RAB33B: variants seen among roughly 807,000 people sequenced by gnomAD.
RAB33B encodes RAB33B, member RAS oncogene family.
RAB33B carries 6 observed loss-of-function variants against 15.0 expected under a neutral mutation model. The observed-to-expected ratio is 0.40, with a 90% CI of 0.22 to 0.79. The LOEUF is 0.79. Among genes scored for constraint, RAB33B ranks in the 30% least tolerant of loss-of-function variants. The pLI, the probability that RAB33B is intolerant of heterozygous loss-of-function variation, is 0.37. For synonymous variants in RAB33B, 117 were observed against 108.3 expected, an observed-to-expected ratio of 1.08 and a Z score of -0.50; for missense variants, 257 against 296.4, an observed-to-expected ratio of 0.87 and a Z score of 0.98.
At chr4:139,445,293 C>G in the RAB33B span, among the ~76,000 whole-genome samples, 2 of 152,226 alleles carry the variant, frequency 1.3e-5, no homozygotes, top group Non-Finnish European at 1.5e-5. Flanking sequence ...TATCAACTCT[C>G]TGGCTGTGTC....
the RAB33B span, among the ~76,000 whole-genome samples, chr4:139,440,320 G>A: frequency 6.6e-6 from 1 of 152,218 alleles, no homozygotes; most frequent in South Asian, 2.1e-4. Flanking sequence ...AATGGGAGTG[G>A]GGAGGGAAAC....
At chr4:139,449,825 G>A (rs913980593), upstream of RAB33B, 14 of 151,816 alleles carry the variant, frequency 9.2e-5, no homozygotes, top group African/African-American at 3.1e-4. Flanking sequence ...TAAAGAGAAC[G>A]AGATAAAAGA....
intron 1 of RAB33B, among the ~76,000 whole-genome samples, chr4:139,467,237 G>T (rs1750304567): frequency 1.4e-5 from 2 of 145,208 alleles, no homozygotes; most frequent in African/African-American, 5.1e-5. Flanking sequence ...CCAAAGTTCT[G>T]GAATTACAGG....
Position 139,454,148 on chromosome 4 carries a change from CT to C in RAB33B, c.-45del. The stretch of plus-strand genomic sequence containing the variant: ...TCTTGCGGTGGCGTAATCTCTCAGC[CT>C]TTCTGTGTCTCCTTTCCTCCGCCTC... On this transcript the variant is annotated 5_prime_UTR_variant, in exon 1 of 2. Transcript: ENST00000305626. 1 of 1,566,498 alleles carries C rather than the reference CT, an allele frequency of 6.4e-7. No homozygotes were observed. The highest frequency in any genetic ancestry group is 8.6e-7 in the Non-Finnish European group (1 of 1,156,338).
intron 1 of RAB33B, 88 bp downstream of exon 1, chr4:139,454,532 G>C: frequency 7.0e-7 from 1 of 1,418,756 alleles, no homozygotes; most frequent in Non-Finnish European, 9.4e-7. Flanking sequence ...TGCACGGTGT[G>C]TGTGCGCTCC....
intron 1 of RAB33B, among the ~76,000 whole-genome samples, chr4:139,459,562 C>T (rs1456959808): frequency 6.6e-6 from 1 of 152,018 alleles, no homozygotes; most frequent in Non-Finnish European, 1.5e-5. Context: ...ACCTCCCTTA[C>T]TAAGTTTTAT....
intron 1 of RAB33B, among the ~76,000 whole-genome samples, chr4:139,467,452 G>A (rs1350734557): frequency 1.4e-5 from 2 of 147,670 alleles, no homozygotes; most frequent in African/African-American, 5.0e-5. Context: ...TACATAGTAG[G>A]TGTATATATT....
intron 1 of RAB33B, among the ~76,000 whole-genome samples, chr4:139,462,417 A>G (rs1298399603): frequency 2.0e-5 from 3 of 152,210 alleles, no homozygotes; most frequent in Non-Finnish European, 4.4e-5. Flanking sequence ...AATTGATTTA[A>G]TACTCTTTTT....
intron 1 of RAB33B, among the ~76,000 whole-genome samples, chr4:139,469,120 T>G (rs1750345198): frequency 6.6e-6 from 1 of 152,192 alleles, no homozygotes; most frequent in Non-Finnish European, 1.5e-5. Flanking sequence ...TTGGGAAGTT[T>G]TCTGTATTAT....
the RAB33B span, among the ~76,000 whole-genome samples, chr4:139,439,020 A>AT: frequency 6.9e-4 from 103 of 149,226 alleles, no homozygotes; most frequent in East Asian, 4.5e-3. Context: ...GGATTCTTTT[A>AT]TTTTTTTTTT....
At chr4:139,468,758 A>T (rs564393969) in intron 1 of RAB33B, among the ~76,000 whole-genome samples, 4 of 152,332 alleles carry the variant, frequency 2.6e-5, no homozygotes, top group African/African-American at 9.6e-5. Context: ...GGTATTGATC[A>T]AACCCTTCAG....
intron 1 of RAB33B, among the ~76,000 whole-genome samples, chr4:139,457,145 G>C (rs1750085439): frequency 6.6e-6 from 1 of 152,140 alleles, no homozygotes; most frequent in South Asian, 2.1e-4. Flanking sequence ...TAACAACAGT[G>C]CCCTTTCAGA....
At chr4:139,465,899 T>C (rs530152537) in intron 1 of RAB33B, among the ~76,000 whole-genome samples, 1 of 147,208 alleles carries the variant, frequency 6.8e-6, no homozygotes, top group East Asian at 2.0e-4. Flanking sequence ...CCAGCTCACT[T>C]TTTTTTTTTT....
chr4:139,466,401 A>G (rs35346847), intron 1 of RAB33B, among the ~76,000 whole-genome samples: 32 of 152,122 alleles, frequency 2.1e-4, no homozygotes, highest in Non-Finnish European at 4.1e-4. Context: ...TTAAAACATT[A>G]TAAGTCATTT....
At chr4:139,443,675 T>C in the RAB33B span, among the ~76,000 whole-genome samples, 10 of 152,152 alleles carry the variant, frequency 6.6e-5, no homozygotes, top group Non-Finnish European at 1.3e-4. Context: ...AGGGCATTGA[T>C]TGGAAAAGAA....
intron 1 of RAB33B, among the ~76,000 whole-genome samples, chr4:139,464,618 T>C (rs1579178562): frequency 6.6e-6 from 1 of 152,256 alleles, no homozygotes; most frequent in East Asian, 1.9e-4. Context: ...AATTCCCACC[T>C]ATGGGTGAGA....
chr4:139,450,352 G>A (rs1303285704), upstream of RAB33B: 1 of 152,242 alleles, frequency 6.6e-6, no homozygotes, highest in East Asian at 1.9e-4. Flanking sequence ...CAAGGCCAAT[G>A]CCATACTTCT....
At chr4:139,470,702 G>A (rs2111085508) in intron 1 of RAB33B, among the ~76,000 whole-genome samples, 1 of 152,290 alleles carries the variant, frequency 6.6e-6, no homozygotes, top group Admixed American at 6.5e-5. Flanking sequence ...TAGTGCCTGG[G>A]TATGCCAGCT....
At chr4:139,457,505 G>A (rs1195709986) in intron 1 of RAB33B, among the ~76,000 whole-genome samples, 1 of 152,122 alleles carries the variant, frequency 6.6e-6, no homozygotes, top group Non-Finnish European at 1.5e-5. Flanking sequence ...CATTTTAGTA[G>A]CTTACTTTTT....
Sources: allele counts gnomAD v4.1 joint callset (sites outside exome capture counted in the v4.1 genomes callset), GRCh38; gene constraint gnomAD v4.1.1; transcripts MANE v1.5; gene names NCBI Gene and HGNC (gene_info 2026-07-23, HGNC 2026-07-21).